Variants in HOMER1 observed in about 807,000 individuals in gnomAD.
HOMER1 encodes homer scaffold protein 1.
HOMER1 carries 3 observed loss-of-function variants against 48.9 expected under a neutral mutation model. The ratio of observed to expected loss-of-function variants is 0.06; its 90% CI spans 0.03 to 0.16. The LOEUF (loss-of-function observed/expected upper bound fraction) is 0.16, where lower values mean the gene tolerates loss of function less well. HOMER1 is among the 10% of genes least tolerant of loss of function. The pLI, the probability that HOMER1 is intolerant of heterozygous loss-of-function variation, is 1.00. For missense variants in HOMER1, 247 were observed against 411.4 expected, an observed-to-expected ratio of 0.60 and a Z score of 3.46; for synonymous variants, 134 against 146.4, an observed-to-expected ratio of 0.92 and a Z score of 0.61.
chr5:79,474,241 C>T (rs1198210407), intron 1 of HOMER1, among the ~76,000 whole-genome samples: 4 of 93,764 alleles, frequency 4.3e-5, no homozygotes, highest in African/African-American at 1.9e-4. Flanking sequence ...TTTGTGGAGA[C>T]GGGGTCTCAC....
At chr5:79,497,423 G>T (rs1366075799) in intron 1 of HOMER1, among the ~76,000 whole-genome samples, 1 of 152,040 alleles carries the variant, frequency 6.6e-6, no homozygotes, top group Non-Finnish European at 1.5e-5. Context: ...GCTGAGGCGG[G>T]TGGATCACCT....
intron 5 of HOMER1, among the ~76,000 whole-genome samples, chr5:79,412,192 G>A (rs1238569779): frequency 2.6e-5 from 4 of 152,106 alleles, no homozygotes; most frequent in Non-Finnish European, 2.9e-5. Context: ...ATTATTCTCT[G>A]TATCAGTAGT....
intron 8 of HOMER1, among the ~76,000 whole-genome samples, chr5:79,387,099 C>G (rs1251875407): frequency 6.9e-6 from 1 of 144,146 alleles, no homozygotes; most frequent in Non-Finnish European, 1.5e-5. Context: ...CTCTCTCTCT[C>G]TTTCTTTCAC....
chr5:79,415,306 T>A (rs531486419), intron 5 of HOMER1, among the ~76,000 whole-genome samples: 1 of 151,838 alleles, frequency 6.6e-6, no homozygotes, highest in African/African-American at 2.4e-5. Context: ...GCAATCCACC[T>A]GCCTCAGCCT....
At chr5:79,407,994 G>A (rs981515029) in intron 5 of HOMER1, among the ~76,000 whole-genome samples, 6 of 152,102 alleles carry the variant, frequency 3.9e-5, no homozygotes, top group African/African-American at 1.4e-4. Context: ...TTTTATTACA[G>A]TATATTCCTA....
At chr5:79,498,746 T>C (rs957694109) in intron 1 of HOMER1, among the ~76,000 whole-genome samples, 2 of 151,982 alleles carry the variant, frequency 1.3e-5, no homozygotes, top group African/African-American at 2.4e-5. Flanking sequence ...CTCTTACAAG[T>C]GAGGAAATCA....
At chr5:79,435,723 C>A (rs536946316) in intron 5 of HOMER1, among the ~76,000 whole-genome samples, 1 of 148,836 alleles carries the variant, frequency 6.7e-6, no homozygotes, top group Admixed American at 6.7e-5. Flanking sequence ...CCCACCTACT[C>A]GGGAGGCTGA....
Position 79,451,037 on chromosome 5 carries a change from T to G in HOMER1, c.247A>C (p.Asn83His). 1 of 1,614,020 alleles carries G rather than the reference T, an allele frequency of 6.2e-7. No individual in the cohort carries two copies. Among genetic ancestry groups the G allele is most frequent in the Non-Finnish European group, 8.5e-7 (1 of 1,179,904 alleles). ...KFGQWADSRA[N>H]TVYGLGFSSE... The stretch of plus-strand genomic sequence containing the variant: ...GAGAATCCCAATCCATAAACGGTGT[T>G]TGCCCGGCTATCAGCCCACTGGCCA... The change falls in exon 3 of 9, where the codon AAC (asparagine) becomes CAC (histidine). Residue 83 changes from asparagine to histidine, a missense_variant. Transcript: ENST00000334082.
chr5:79,416,480 C>T (rs1749946647), intron 5 of HOMER1, among the ~76,000 whole-genome samples: 1 of 152,180 alleles, frequency 6.6e-6, no homozygotes, highest in Admixed American at 6.5e-5. Flanking sequence ...AGCTCTACTT[C>T]CATTTTTATT....
intron 1 of HOMER1, among the ~76,000 whole-genome samples, chr5:79,484,590 T>C (rs1752043504): frequency 6.6e-6 from 1 of 152,058 alleles, no homozygotes; most frequent in Admixed American, 6.6e-5. Context: ...AGGCAGAAAT[T>C]GTCAGATTGT....
At chr5:79,413,588 C>G (rs1260451978) in intron 5 of HOMER1, among the ~76,000 whole-genome samples, 1 of 151,670 alleles carries the variant, frequency 6.6e-6, no homozygotes, top group African/African-American at 2.4e-5. Flanking sequence ...CACGCCCCCA[C>G]CCCCTACCCC....
At chr5:79,475,268 A>ACTGTCTGGCTCTAGAGCCTGTATC (rs1561378205) in intron 1 of HOMER1, among the ~76,000 whole-genome samples, 1 of 150,990 alleles carries the variant, frequency 6.6e-6, no homozygotes, top group African/African-American at 2.4e-5. Context: ...GAGCCGGCAC[A>ACTGTCTGGCTCTAGAGCCTGTATC]CTGTCTGGCT....
chr5:79,437,010 T>A (rs1205750629), intron 5 of HOMER1, among the ~76,000 whole-genome samples: 1 of 152,212 alleles, frequency 6.6e-6, no homozygotes, highest in Admixed American at 6.5e-5. Context: ...CCATGACTCA[T>A]CTATAAATTC....
At position 79,460,198 on chromosome 5, in the gene HOMER1, G is replaced by T. The variant is rs540419212; in HGVS notation, c.6-3180C>A. ...AAGATAAATCTGGGCCACGTGTGGT[G>T]GCTCACACCTGTAATCCCAGTGCTT... On this transcript the variant is annotated intron_variant, in intron 1 of 8. Coordinates refer to ENST00000334082, the MANE Select transcript of HOMER1 (RefSeq NM_004272.5). Among the ~76,000 whole-genome samples, 3 of 152,208 alleles carry T rather than the reference G, an allele frequency of 2.0e-5. No individual in the cohort carries two copies. In the East Asian group the frequency reaches 5.8e-4, roughly 29 times the overall value.
At chr5:79,454,443 C>T (rs1177903615) in intron 2 of HOMER1, among the ~76,000 whole-genome samples, 1 of 151,360 alleles carries the variant, frequency 6.6e-6, no homozygotes, top group Non-Finnish European at 1.5e-5. Flanking sequence ...ATTCAAGGTT[C>T]AAATAAGGGA....
chr5:79,449,589 C>CA (rs1750977449), intron 3 of HOMER1, among the ~76,000 whole-genome samples: 1 of 152,174 alleles, frequency 6.6e-6, no homozygotes, highest in African/African-American at 2.4e-5. Context: ...TCTCATGTCT[C>CA]AGCCTCCCAA....
intron 1 of HOMER1, among the ~76,000 whole-genome samples, chr5:79,504,836 T>G (rs1752704023): frequency 6.6e-6 from 1 of 152,242 alleles, no homozygotes; most frequent in Non-Finnish European, 1.5e-5. Flanking sequence ...ATCAGGATTT[T>G]CTATTTATGA....
intron 8 of HOMER1, among the ~76,000 whole-genome samples, chr5:79,390,218 C>T (rs990919451): frequency 2.6e-5 from 4 of 152,062 alleles, no homozygotes; most frequent in South Asian, 2.1e-4. Flanking sequence ...CCCAGGAGGT[C>T]GAGACTGTAG....
intron 1 of HOMER1, among the ~76,000 whole-genome samples, chr5:79,458,700 G>A (rs1250429353): frequency 6.6e-6 from 1 of 152,044 alleles, no homozygotes; most frequent in Non-Finnish European, 1.5e-5. Context: ...AAAAGAAAGT[G>A]ATATATTTTG....
Sources: allele counts gnomAD v4.1 joint callset (sites outside exome capture counted in the v4.1 genomes callset), GRCh38; gene constraint gnomAD v4.1.1; transcripts MANE v1.5; gene names NCBI Gene and HGNC (gene_info 2026-07-23, HGNC 2026-07-21).